Variants in SRGAP1 observed in about 807,000 individuals in gnomAD.
SRGAP1 encodes SLIT-ROBO Rho GTPase-activating protein 1.
SRGAP1 carries 43 observed loss-of-function variants against 121.9 expected under a neutral mutation model. The observed-to-expected ratio is 0.35, with a 90% CI of 0.28 to 0.46. The LOEUF is 0.46. Ranked by LOEUF, SRGAP1 falls within the 20% of genes least tolerant of loss-of-function variation. SRGAP1 has a pLI of 1.00. For synonymous variants in SRGAP1, 447 were observed against 485.4 expected (o/e 0.92, Z 1.04); for missense variants, 1,102 against 1,350.9 (o/e 0.82, Z 2.89).
At chr12:64,137,769 A>G (rs1332783967) in intron 21 of SRGAP1, among the ~76,000 whole-genome samples, 1 of 152,020 alleles carries the variant, frequency 6.6e-6, no homozygotes, top group Non-Finnish European at 1.5e-5. Context: ...AAGTGCTCAC[A>G]TTCAATCTAG....
intron 1 of SRGAP1, among the ~76,000 whole-genome samples, chr12:63,877,784 C>A (rs1263643892): frequency 6.6e-6 from 1 of 152,128 alleles, no homozygotes; most frequent in Non-Finnish European, 1.5e-5. Context: ...GCTTAGATAC[C>A]ATCTTTCTAG....
chr12:63,859,019 C>G (rs769440000), intron 1 of SRGAP1, among the ~76,000 whole-genome samples: 1 of 151,890 alleles, frequency 6.6e-6, no homozygotes, highest in Non-Finnish European at 1.5e-5. Context: ...TTATATTTTT[C>G]TAGAAATGTA....
intron 6 of SRGAP1, among the ~76,000 whole-genome samples, chr12:64,047,107 G>C (rs1327735548): frequency 6.6e-6 from 1 of 152,126 alleles, no homozygotes; most frequent in Non-Finnish European, 1.5e-5. Flanking sequence ...ACTTTTGAAA[G>C]ATCAGTCTTA....
At chr12:63,887,964 T>C (rs1346215926) in intron 1 of SRGAP1, 1 of 152,270 alleles carries the variant, frequency 6.6e-6, no homozygotes, top group African/African-American at 2.4e-5. Flanking sequence ...GTCCTGAAGA[T>C]TTTGAACTGT....
chr12:63,958,300 C>T (rs1412887124), intron 1 of SRGAP1, among the ~76,000 whole-genome samples: 1 of 152,152 alleles, frequency 6.6e-6, no homozygotes, highest in East Asian at 1.9e-4. Context: ...GTGCCACTCT[C>T]CGTGCAGTGT....
At chr12:64,137,961 A>AAAAAAAATAT (rs372355390) in intron 21 of SRGAP1, among the ~76,000 whole-genome samples, 1 of 139,684 alleles carries the variant, frequency 7.2e-6, no homozygotes, top group Non-Finnish European at 1.5e-5. Flanking sequence ...TTAAAAAAAA[A>AAAAAAAATAT]ATATATATAT....
chr12:63,848,287 C>T (rs1408736364), intron 1 of SRGAP1, among the ~76,000 whole-genome samples: 1 of 152,116 alleles, frequency 6.6e-6, no homozygotes, highest in Non-Finnish European at 1.5e-5. Flanking sequence ...GCTGGGATTA[C>T]AGGCATGAGC....
chr12:63,904,556 G>C (rs2030106293), intron 1 of SRGAP1, among the ~76,000 whole-genome samples: 1 of 152,124 alleles, frequency 6.6e-6, no homozygotes, highest in South Asian at 2.1e-4. Context: ...ATGTGTCCTG[G>C]TAAGCTTTAC....
intron 1 of SRGAP1, among the ~76,000 whole-genome samples, chr12:63,979,146 TCTC>T (rs1810025054): frequency 6.7e-6 from 1 of 149,578 alleles, no homozygotes; most frequent in Non-Finnish European, 1.5e-5. Flanking sequence ...TTCAAGCAAT[TCTC>T]CTCCCTCAGC....
chr12:63,872,070 T>G, intron 1 of SRGAP1: 1 of 706,234 alleles, frequency 1.4e-6, no homozygotes, highest in South Asian at 1.7e-5. Context: ...GTTCTGTTTA[T>G]ATGATGAACA....
chr12:63,981,915 A>C (rs1159834607), intron 1 of SRGAP1, among the ~76,000 whole-genome samples: 1 of 152,114 alleles, frequency 6.6e-6, no homozygotes, highest in African/African-American at 2.4e-5. Context: ...TGATGGATAG[A>C]AGGATGGGAA....
chr12:64,091,580 A>G (rs789744), intron 12 of SRGAP1, among the ~76,000 whole-genome samples: 124,702 of 152,114 alleles, frequency 0.82, 51,941 homozygotes, highest in East Asian at 1. Context: ...AATAAATGTG[A>G]GTATTATTAT....
At chr12:64,037,554 T>G (rs1175146395) in intron 4 of SRGAP1, among the ~76,000 whole-genome samples, 1 of 152,236 alleles carries the variant, frequency 6.6e-6, no homozygotes, top group Non-Finnish European at 1.5e-5. Flanking sequence ...AGTGGGGGTT[T>G]CAAGACTCTT....
intron 10 of SRGAP1, among the ~76,000 whole-genome samples, chr12:64,084,656 AT>A (rs1337461432): frequency 6.6e-6 from 1 of 152,178 alleles, no homozygotes; most frequent in Non-Finnish European, 1.5e-5. Context: ...TAGGTTTTTA[AT>A]TTTTTATCTC....
At chr12:63,926,385 G>A (rs1173838910) in intron 1 of SRGAP1, among the ~76,000 whole-genome samples, 2 of 152,234 alleles carry the variant, frequency 1.3e-5, no homozygotes, top group African/African-American at 4.8e-5. Context: ...TCATAGGAGA[G>A]GAAAGTGAAG....
chr12:64,034,672 C>T (rs767500658), intron 4 of SRGAP1, among the ~76,000 whole-genome samples: 5 of 152,156 alleles, frequency 3.3e-5, no homozygotes, highest in Admixed American at 6.6e-5. Context: ...TTATCCCCCC[C>T]ACCACCTTAG....
At chr12:64,041,077 A>G (rs1238846104) in intron 4 of SRGAP1, among the ~76,000 whole-genome samples, 1 of 152,162 alleles carries the variant, frequency 6.6e-6, no homozygotes, top group African/African-American at 2.4e-5. Flanking sequence ...AATTACATAT[A>G]TCATTTCTAA....
chr12:63,867,799 A>G (rs191059104), intron 1 of SRGAP1, among the ~76,000 whole-genome samples: 6 of 152,002 alleles, frequency 3.9e-5, no homozygotes, highest in Admixed American at 2.6e-4. Context: ...ATTTCCAAAT[A>G]AGTTGAAATT....
At chr12:64,114,650 C>G (rs772407496) in intron 17 of SRGAP1, among the ~76,000 whole-genome samples, 14 of 152,148 alleles carry the variant, frequency 9.2e-5, no homozygotes, top group Non-Finnish European at 2.1e-4. Flanking sequence ...CGTGCCTGGC[C>G]TGGTTAGCAT....
Sources: gnomAD v4.1 joint callset for allele counts (sites outside exome capture counted in the v4.1 genomes callset) on GRCh38, gnomAD v4.1.1 for gene constraint, MANE v1.5 for transcripts, NCBI Gene and HGNC (gene_info 2026-07-23, HGNC 2026-07-21) for gene names.